Variants in KIF5C observed in about 807,000 individuals in gnomAD.
KIF5C encodes the protein kinesin family member 5C.
KIF5C carries 18 observed loss-of-function variants against 125.2 expected under a neutral mutation model. The observed-to-expected ratio is 0.14, with a 90% CI of 0.10 to 0.21. KIF5C has a LOEUF of 0.21. Ranked by LOEUF, KIF5C falls within the 10% of genes least tolerant of loss-of-function variation. The probability of loss-of-function intolerance (pLI) is 1.00; values close to 1 mark genes in which losing one functional copy is unlikely to be tolerated. For synonymous variants in KIF5C, 405 were observed against 434.0 expected (o/e 0.93, Z 0.83); for missense variants, 780 against 1,183.8 (o/e 0.66, Z 5.01).
At chr2:149,008,129 A>C in intron 23 of KIF5C, 62 bp downstream of exon 23, 1 of 1,533,136 alleles carries the variant, frequency 6.5e-7, no homozygotes, top group East Asian at 2.3e-5. Flanking sequence ...AAGCCCCACC[A>C]GGTTTGGCCA....
intron 1 of KIF5C, among the ~76,000 whole-genome samples, chr2:148,887,040 A>G (rs1681547813): frequency 2.0e-5 from 3 of 152,224 alleles, no homozygotes; most frequent in African/African-American, 7.2e-5. Context: ...TGGTAGCTGC[A>G]CGTGACTACT....
intron 23 of KIF5C, among the ~76,000 whole-genome samples, chr2:149,009,567 C>T (rs898652061): frequency 1.3e-5 from 2 of 152,132 alleles, no homozygotes; most frequent in African/African-American, 4.8e-5. Context: ...TGAGCCCACT[C>T]CTACCTAGGG....
chr2:148,884,383 A>G (rs1000129828), intron 1 of KIF5C: 2 of 152,194 alleles, frequency 1.3e-5, no homozygotes, highest in African/African-American at 2.4e-5. Flanking sequence ...GGAAAAAAAC[A>G]GCCCCCTCAG....
At chr2:148,978,342 T>G (rs1681135392) in intron 12 of KIF5C, among the ~76,000 whole-genome samples, 1 of 142,332 alleles carries the variant, frequency 7.0e-6, no homozygotes, top group Non-Finnish European at 1.5e-5. Flanking sequence ...AGGTTTTTTT[T>G]TTTTTTTTTT....
chr2:148,879,088 C>T (rs2105032212), intron 1 of KIF5C: 1 of 152,308 alleles, frequency 6.6e-6, no homozygotes, highest in South Asian at 2.1e-4. Flanking sequence ...CTGTCTTTCT[C>T]TGACCACACC....
chr2:148,965,501 G>A (rs1195232332), intron 11 of KIF5C, among the ~76,000 whole-genome samples: 2 of 152,174 alleles, frequency 1.3e-5, no homozygotes, highest in African/African-American at 4.8e-5. Context: ...ACTGACTTTA[G>A]TGATGTAAGT....
At chr2:148,917,520 G>A (rs1412180381) in intron 1 of KIF5C, among the ~76,000 whole-genome samples, 1 of 152,234 alleles carries the variant, frequency 6.6e-6, no homozygotes, top group Admixed American at 6.5e-5. Context: ...GAGTTCTTAT[G>A]AGAATTAAAT....
intron 14 of KIF5C, among the ~76,000 whole-genome samples, chr2:148,982,746 T>C (rs1248699100): frequency 6.6e-6 from 1 of 152,258 alleles, no homozygotes; most frequent in Non-Finnish European, 1.5e-5. Context: ...AATTAGTCCT[T>C]CATGTTACTT....
At chr2:149,022,873 G>C (rs986544522) in intron 25 of KIF5C, among the ~76,000 whole-genome samples, 1 of 152,086 alleles carries the variant, frequency 6.6e-6, no homozygotes, top group Non-Finnish European at 1.5e-5. Flanking sequence ...GCAGTGAGTC[G>C]ATATCGCGCC....
intron 8 of KIF5C, among the ~76,000 whole-genome samples, chr2:148,949,431 A>G (rs746721948): frequency 6.6e-6 from 1 of 152,130 alleles, no homozygotes; most frequent in African/African-American, 2.4e-5. Flanking sequence ...CAATATGCCC[A>G]TTCATTGTGG....
intron 11 of KIF5C, among the ~76,000 whole-genome samples, chr2:148,971,282 G>A (rs1333767070): frequency 8.5e-5 from 12 of 140,534 alleles, no homozygotes; most frequent in African/African-American, 3.1e-4. Flanking sequence ...CTGTCTGTCT[G>A]TCTGTCTGTC....
chr2:148,926,485 A>G (rs541752643), intron 2 of KIF5C, among the ~76,000 whole-genome samples: 8 of 152,340 alleles, frequency 5.3e-5, no homozygotes, highest in African/African-American at 1.7e-4. Flanking sequence ...AGGAGCGGGC[A>G]CTGGACGTGA....
intron 1 of KIF5C, among the ~76,000 whole-genome samples, chr2:148,880,954 G>C (rs1681331781): frequency 7.7e-6 from 1 of 129,222 alleles, no homozygotes; most frequent in Non-Finnish European, 1.7e-5. Context: ...AAAAAACCTA[G>C]TTTTTTTTTT....
chr2:148,987,456 A>G (rs1681409663), intron 15 of KIF5C, among the ~76,000 whole-genome samples: 1 of 152,250 alleles, frequency 6.6e-6, no homozygotes, highest in Admixed American at 6.5e-5. Flanking sequence ...ATTGCAAAAG[A>G]GAGGGGCAGG....
chr2:149,017,279 G>A (rs534895087), intron 25 of KIF5C, among the ~76,000 whole-genome samples: 6 of 152,282 alleles, frequency 3.9e-5, no homozygotes, highest in East Asian at 1.9e-4. Flanking sequence ...GTGGGTGGGC[G>A]GTAGATGGGG....
intron 1 of KIF5C, among the ~76,000 whole-genome samples, chr2:148,902,283 A>G (rs1574708837): frequency 1.3e-5 from 2 of 151,712 alleles, no homozygotes; most frequent in East Asian, 1.9e-4. Flanking sequence ...GAATGGCTCA[A>G]CAGGGGGAAA....
intron 1 of KIF5C, chr2:148,879,421 CT>C (rs1210961036): frequency 6.6e-6 from 1 of 151,978 alleles, no homozygotes; most frequent in East Asian, 1.9e-4. Flanking sequence ...AGTGCTGTTT[CT>C]CTGAGTGGGC....
chr2:148,901,046 G>A (rs1024693010), intron 1 of KIF5C, among the ~76,000 whole-genome samples: 2 of 152,190 alleles, frequency 1.3e-5, no homozygotes, highest in Non-Finnish European at 2.9e-5. Flanking sequence ...GCTGAGATGC[G>A]GTTGACCAGA....
chr2:148,898,631 G>A (rs1042458502), intron 1 of KIF5C, among the ~76,000 whole-genome samples: 1 of 152,128 alleles, frequency 6.6e-6, no homozygotes, highest in Non-Finnish European at 1.5e-5. Context: ...GGGGTCATGC[G>A]AGCCAAGGAA....
Sources: gnomAD v4.1 joint callset for allele counts (sites outside exome capture counted in the v4.1 genomes callset) on GRCh38, gnomAD v4.1.1 for gene constraint, MANE v1.5 for transcripts, NCBI Gene and HGNC (gene_info 2026-07-23, HGNC 2026-07-21) for gene names.